CPS1: variants seen among roughly 807,000 people sequenced by gnomAD.
The protein encoded by CPS1 is carbamoyl-phosphate synthase 1, also known as carbamoyl-phosphate synthase [ammonia], mitochondrial.
A neutral mutation model predicts 174.6 loss-of-function variants in CPS1; 109 were observed. The ratio of observed to expected loss-of-function variants is 0.62; its 90% CI spans 0.53 to 0.73. The LOEUF (loss-of-function observed/expected upper bound fraction) is 0.73. Ranked by LOEUF, CPS1 falls within the 30% of genes least tolerant of loss-of-function variation. The probability of loss-of-function intolerance (pLI) is 0.00; values close to 1 mark genes in which losing one functional copy is unlikely to be tolerated. For synonymous variants in CPS1, 637 were observed against 632.0 expected, an observed-to-expected ratio of 1.01 and a Z score of -0.12; for missense variants, 1,689 against 1,821.9, an observed-to-expected ratio of 0.93 and a Z score of 1.33.
intron 1 of CPS1, among the ~76,000 whole-genome samples, chr2:210,527,141 T>C (rs888834921): frequency 3.9e-5 from 6 of 151,926 alleles, no homozygotes; most frequent in Non-Finnish European, 7.4e-5. Flanking sequence ...CCTTTAATAA[T>C]ACTTTGCTGT....
chr2:210,554,763 C>T (rs77792726), upstream of CPS1, among the ~76,000 whole-genome samples: 2,439 of 150,446 alleles, frequency 0.016, 51 homozygotes, highest in African/African-American at 0.051. Context: ...GAAAAAAAAA[C>T]TTAAAAAGAA....
chr2:210,528,453 C>T (rs1234635920), intron 1 of CPS1, among the ~76,000 whole-genome samples: 1 of 151,876 alleles, frequency 6.6e-6, no homozygotes, highest in Admixed American at 6.6e-5. Flanking sequence ...TCATGTAATG[C>T]TCAATCTTAT....
chr2:210,678,946 C>T lies in CPS1; in HGVS notation c.*961C>T, dbSNP rs1171846087. On this transcript the variant is annotated 3_prime_UTR_variant, in exon 38 of 38. Transcript: ENST00000233072. ...TTCTGTTGAACTATGGGGTCCCACA[C>T]TGCACTATTAATTCCACCCACTGTA... The T allele has an allele frequency of 6.6e-6, 1 of 152,202 alleles. No homozygotes were observed. The highest frequency in any genetic ancestry group is 1.5e-5 in the Non-Finnish European group (1 of 68,038). 9.4% of individuals were successfully genotyped at this position (152,202 alleles called of 1,614,324 possible).
intron 1 of CPS1, among the ~76,000 whole-genome samples, chr2:210,507,314 G>T (rs1426222585): frequency 6.6e-6 from 1 of 152,156 alleles, no homozygotes; most frequent in African/African-American, 2.4e-5. Flanking sequence ...ATACTTTATA[G>T]ATAAGCAAAT....
intron 28 of CPS1, among the ~76,000 whole-genome samples, chr2:210,653,019 A>T (rs1028553608): frequency 3.9e-5 from 6 of 152,220 alleles, no homozygotes; most frequent in Non-Finnish European, 7.3e-5. Context: ...ATAATGCTGC[A>T]TTTCATGATA....
intron 1 of CPS1, among the ~76,000 whole-genome samples, chr2:210,504,654 T>C (rs1442360629): frequency 1.3e-5 from 2 of 152,202 alleles, no homozygotes; most frequent in Non-Finnish European, 2.9e-5. Flanking sequence ...AAGTAAAGGA[T>C]AGATTCTCCA....
chr2:210,521,415 C>G (rs1695822971), intron 1 of CPS1, among the ~76,000 whole-genome samples: 1 of 151,282 alleles, frequency 6.6e-6, no homozygotes, highest in Non-Finnish European at 1.5e-5. Context: ...CTTCATGTTT[C>G]TTGTGCTTGA....
chr2:210,607,042 T>G, intron 18 of CPS1, 101 bp downstream of exon 18: 7 of 1,058,848 alleles, frequency 6.6e-6, no homozygotes, highest in Non-Finnish European at 9.8e-6. Flanking sequence ...CAAACTATGT[T>G]CCCTTTTTCT....
At chr2:210,523,042 G>T (rs150345978) in intron 1 of CPS1, among the ~76,000 whole-genome samples, 1 of 152,116 alleles carries the variant, frequency 6.6e-6, no homozygotes, top group Admixed American at 6.6e-5. Flanking sequence ...AACTGAATTA[G>T]AAAATGGGAG....
At chr2:210,604,060 G>T (rs956484831) in intron 16 of CPS1, among the ~76,000 whole-genome samples, 1 of 151,490 alleles carries the variant, frequency 6.6e-6, no homozygotes, top group African/African-American at 2.4e-5. Flanking sequence ...TCTTCTTTTA[G>T]CAGGCAACCG....
intron 1 of CPS1, among the ~76,000 whole-genome samples, chr2:210,516,709 C>T (rs953232474): frequency 1.3e-5 from 2 of 151,888 alleles, no homozygotes; most frequent in Non-Finnish European, 2.9e-5. Context: ...TGCAGTGCTC[C>T]ACATGGGCTA....
chr2:210,550,462 G>A (rs1179825557), intron 1 of CPS1, among the ~76,000 whole-genome samples: 1 of 151,988 alleles, frequency 6.6e-6, no homozygotes, highest in Admixed American at 6.6e-5. Flanking sequence ...CCTTGAACAA[G>A]CTACTTAATT....
intron 1 of CPS1, among the ~76,000 whole-genome samples, chr2:210,503,749 T>C (rs1221507673): frequency 6.6e-6 from 1 of 152,202 alleles, no homozygotes; most frequent in Non-Finnish European, 1.5e-5. Flanking sequence ...TCTGCAATGT[T>C]GTTTGTTCAT....
intron 21 of CPS1, among the ~76,000 whole-genome samples, chr2:210,620,627 C>T (rs1699482538): frequency 6.6e-6 from 1 of 151,934 alleles, no homozygotes; most frequent in South Asian, 2.1e-4. Flanking sequence ...AGGAAAGCAG[C>T]CGTGTCCTAT....
chr2:210,495,478 T>C (rs1299285738), intron 1 of CPS1, among the ~76,000 whole-genome samples: 1 of 152,162 alleles, frequency 6.6e-6, no homozygotes, highest in Non-Finnish European at 1.5e-5. Context: ...AAATCCACAA[T>C]GAACAAAATA....
intron 13 of CPS1, among the ~76,000 whole-genome samples, chr2:210,598,807 A>C (rs1698597949): frequency 6.6e-6 from 1 of 151,876 alleles, no homozygotes; most frequent in Non-Finnish European, 1.5e-5. Context: ...CAAATCATTG[A>C]GGCAGAAATT....
At chr2:210,501,991 A>G (rs1695150800) in intron 1 of CPS1, among the ~76,000 whole-genome samples, 1 of 152,152 alleles carries the variant, frequency 6.6e-6, no homozygotes, top group Non-Finnish European at 1.5e-5. Flanking sequence ...AGAGCCCTCA[A>G]GAAACTTGCA....
In CPS1 at chr2:210,640,077, G is replaced by A; in HGVS notation, c.2959+18G>A. On this transcript the variant is annotated intron_variant, in intron 24 of 37. Coordinates refer to ENST00000233072, the MANE Select transcript of CPS1 (RefSeq NM_001875.5). ...TCACATTGGTAAAATAATAAATTAT[G>A]TGTATATAGGACTTTACACAATTTA... 1 of 1,449,160 alleles carries A rather than the reference G, an allele frequency of 6.9e-7. No homozygotes were observed. Among genetic ancestry groups the A allele is most frequent in the Non-Finnish European group, 9.7e-7 (1 of 1,031,114 alleles). 89.8% of individuals were successfully genotyped at this position (1,449,160 alleles called of 1,614,324 possible).
intron 1 of CPS1, among the ~76,000 whole-genome samples, chr2:210,569,206 A>T (rs1697400101): frequency 6.6e-6 from 1 of 152,044 alleles, no homozygotes; most frequent in Non-Finnish European, 1.5e-5. Flanking sequence ...GATAATAAAA[A>T]AATCACTAGA....
Sources: gnomAD v4.1 joint callset for allele counts (sites outside exome capture counted in the v4.1 genomes callset) on GRCh38, gnomAD v4.1.1 for gene constraint, MANE v1.5 for transcripts, NCBI Gene and HGNC (gene_info 2026-07-23, HGNC 2026-07-21) for gene names.